Variants in SYNE1 observed in about 807,000 individuals in gnomAD.
SYNE1 encodes the protein spectrin repeat containing nuclear envelope protein 1.
Under a neutral mutation model 1,111.0 loss-of-function variants are expected in SYNE1, and 616 were observed. The observed-to-expected ratio is 0.55, with a 90% confidence interval of 0.52 to 0.59. The LOEUF is 0.59. Ranked by LOEUF, SYNE1 falls within the 20% of genes least tolerant of loss-of-function variation. The probability of loss-of-function intolerance (pLI) is 0.00; values close to 1 mark genes in which losing one functional copy is unlikely to be tolerated. For missense variants in SYNE1, 10,006 were observed against 10,417.0 expected (o/e 0.96, Z 1.72); for synonymous variants, 3,855 against 3,825.8 (o/e 1.01, Z -0.28).
Position 152,368,982 on chromosome 6 carries a change from T to G in SYNE1, c.9797A>C (p.Asn3266Thr). The G allele has an allele frequency of 2.5e-6, 4 of 1,614,214 alleles. No individual in the cohort carries two copies. Among genetic ancestry groups the G allele is most frequent in the East Asian group, 2.2e-5 (1 of 44,884 alleles). ...QLSSQYLALS[N>T]LTKEKVSRLD... ...CGTGCCAGGCGTTACCTTTGTTAAA[T>G]TGCTTAGCGCTAGATACTGAGAAGA... Residue 3266 changes from asparagine (N) to threonine (T), a missense_variant, in exon 61 of 146, where the codon AAT becomes ACT. By Grantham distance (65) the Asn-to-Thr change is moderately conservative (BLOSUM62 0). Transcript: ENST00000367255.
intron 3 of SYNE1, among the ~76,000 whole-genome samples, chr6:152,547,969 C>T (rs568669757): frequency 2.0e-5 from 3 of 152,218 alleles, no homozygotes; most frequent in Admixed American, 6.5e-5. Flanking sequence ...TATATCAAAT[C>T]ATCACACTGT....
Position 152,484,834 on chromosome 6 carries a change from C to A in SYNE1, c.1185+1G>T. 1 of 1,613,780 alleles carries A rather than the reference C, an allele frequency of 6.2e-7. No homozygotes were observed. The highest frequency in any genetic ancestry group is 1.3e-5 in the African/African-American group (1 of 75,002). On this transcript the variant is annotated splice_donor_variant, in intron 13 of 145. Transcript: ENST00000367255. LOFTEE classifies it high-confidence loss of function. ...GTATAACTAATTGTGGGAGAACTTA[C>A]CCTGGAGGTCACTCTATCCCAAGAT...
intron 3 of SYNE1, among the ~76,000 whole-genome samples, chr6:152,549,460 G>A (rs1480137287): frequency 6.6e-6 from 1 of 152,140 alleles, no homozygotes; most frequent in Admixed American, 6.5e-5. Context: ...GGGGCGGTGG[G>A]AGTGGAGGGG....
At chr6:152,415,136 A>C (rs2098132175) in intron 41 of SYNE1, among the ~76,000 whole-genome samples, 1 of 152,206 alleles carries the variant, frequency 6.6e-6, no homozygotes, top group South Asian at 2.1e-4. Flanking sequence ...AAAATGGAAG[A>C]GCAAGTGGCC....
chr6:152,520,421 C>A, intron 6 of SYNE1, 38 bp downstream of exon 6: 2 of 1,600,796 alleles, frequency 1.2e-6, no homozygotes, highest in Non-Finnish European at 1.7e-6. Flanking sequence ...ATGCCCACAC[C>A]TTCTTCCTTG....
intron 128 of SYNE1, among the ~76,000 whole-genome samples, chr6:152,182,603 T>C (rs1485774096): frequency 6.6e-6 from 1 of 152,220 alleles, no homozygotes; most frequent in African/African-American, 2.4e-5. Flanking sequence ...AAAATGAAAA[T>C]GAAAATATTT....
At chr6:152,617,889 T>C (rs889225526) in intron 3 of SYNE1, among the ~76,000 whole-genome samples, 14 of 152,178 alleles carry the variant, frequency 9.2e-5, no homozygotes, top group African/African-American at 3.1e-4. Flanking sequence ...AGACTGAGAT[T>C]GGCTTGAAGG....
At chr6:152,522,519 A>T (rs1047674260) in intron 5 of SYNE1, among the ~76,000 whole-genome samples, 8 of 152,098 alleles carry the variant, frequency 5.3e-5, no homozygotes, top group African/African-American at 1.9e-4. Flanking sequence ...TGCTATAAAT[A>T]TCCGTGTGAG....
chr6:152,587,650 T>C (rs978799754), intron 3 of SYNE1, among the ~76,000 whole-genome samples: 12 of 152,210 alleles, frequency 7.9e-5, no homozygotes, highest in African/African-American at 2.7e-4. Context: ...ATCTCTTCTC[T>C]TTCCCCTTCC....
At chr6:152,629,557 G>GGGGGGGGGGT (rs2099694203) in intron 2 of SYNE1, among the ~76,000 whole-genome samples, 1 of 125,700 alleles carries the variant, frequency 8.0e-6, no homozygotes, top group Admixed American at 8.2e-5. Context: ...GGAGGAGGGG[G>GGGGGGGGGGT]TGCAGTGGGC....
rs767661502 is a variant in SYNE1, at chr6:152,323,632, C to G, written c.15763G>C (p.Asp5255His). Residue 5255 changes from aspartate to histidine, a missense_variant, in exon 82 of 146, where the codon GAC (aspartate) becomes CAC (histidine). Asp to His is a moderately conservative substitution (Grantham distance 81). Around this residue, in one of 7 missense-constraint regions of SYNE1, gnomAD observed 4,955 missense variants for 5,017.2 expected, o/e 0.99. Transcript: ENST00000367255. ...TGCTCCAGCTCCAGAACGAACGTGT[C>G]GTGGTATTCAAGAAGAGTTAAGAGC... ...AELLTLLEYH[D>H]TFVLELEQQQ... 2.5e-6 allele frequency: 4 copies of G among 1,614,094 alleles called. No individual in the cohort carries two copies. The highest frequency in any genetic ancestry group is 1.3e-5 in the African/African-American group (1 of 74,922).
intron 46 of SYNE1, among the ~76,000 whole-genome samples, chr6:152,402,052 C>G (rs1313195231): frequency 6.6e-6 from 1 of 151,946 alleles, no homozygotes; most frequent in Non-Finnish European, 1.5e-5. Context: ...AAATATCTTT[C>G]TTTCTCTTCC....
intron 91 of SYNE1, among the ~76,000 whole-genome samples, chr6:152,306,108 A>C (rs901125925): frequency 9.3e-4 from 141 of 152,342 alleles, no homozygotes; most frequent in African/African-American, 3.2e-3. Context: ...TCCAATTTCA[A>C]TCAGTTACTA....
At chr6:152,523,699 C>T (rs2099151207) in intron 5 of SYNE1, among the ~76,000 whole-genome samples, 1 of 151,964 alleles carries the variant, frequency 6.6e-6, no homozygotes, top group East Asian at 1.9e-4. Context: ...AGATGTGTTT[C>T]CATTTGTTTG....
intron 39 of SYNE1, among the ~76,000 whole-genome samples, chr6:152,422,408 G>A (rs953399171): frequency 6.6e-6 from 1 of 152,180 alleles, no homozygotes; most frequent in African/African-American, 2.4e-5. Flanking sequence ...ACTGACTAAA[G>A]AAGACATGCA....
intron 4 of SYNE1, among the ~76,000 whole-genome samples, chr6:152,529,885 C>T (rs2099187516): frequency 6.6e-6 from 1 of 152,078 alleles, no homozygotes; most frequent in African/African-American, 2.4e-5. Context: ...CTGACCTCAG[C>T]TACTCAGCTC....
At chr6:152,316,287 C>T (rs781651700) in intron 87 of SYNE1, 3 of 161,562 alleles carry the variant, frequency 1.9e-5, no homozygotes, top group Admixed American at 6.0e-5. Context: ...GGGAGATCTC[C>T]CACTGAGCAC....
intron 3 of SYNE1, among the ~76,000 whole-genome samples, chr6:152,568,364 G>A (rs818446): frequency 0.31 from 44,272 of 142,472 alleles, 7,741 homozygotes; most frequent in Non-Finnish European, 0.41. Context: ...GTACAGTGGC[G>A]AGATCTCGGC....
intron 3 of SYNE1, among the ~76,000 whole-genome samples, chr6:152,610,266 G>A (rs1380304679): frequency 6.6e-6 from 1 of 152,142 alleles, no homozygotes; most frequent in South Asian, 2.1e-4. Context: ...TAGATGAATG[G>A]CTAACTAGAA....
Sources: gnomAD v4.1 joint callset for allele counts (sites outside exome capture counted in the v4.1 genomes callset) on GRCh38, gnomAD v4.1.1 for gene constraint, gnomAD v4.1.1 regional missense constraint, MANE v1.5 for transcripts, NCBI Gene and HGNC (gene_info 2026-07-23, HGNC 2026-07-21) for gene names.